The following GAREM1 variants were observed in gnomAD, a reference collection of about 807,000 sequenced individuals.
GAREM1 encodes GRB2 associated regulator of MAPK1 subtype 1.
GAREM1 carries 26 observed loss-of-function variants against 71.3 expected under a neutral mutation model. The observed-to-expected ratio is 0.36, with a 90% CI of 0.27 to 0.51. The LOEUF is 0.51. GAREM1 is among the 20% of genes least tolerant of loss of function. The pLI is 0.95. For missense variants in GAREM1, 1,026 were observed against 1,103.1 expected, an observed-to-expected ratio of 0.93 and a Z score of 0.99; for synonymous variants, 440 against 433.2, an observed-to-expected ratio of 1.02 and a Z score of -0.20.
intron 2 of GAREM1, among the ~76,000 whole-genome samples, chr18:32,352,688 A>C (rs2047763717): frequency 6.6e-6 from 1 of 152,176 alleles, no homozygotes; most frequent in Non-Finnish European, 1.5e-5. Flanking sequence ...CCTCAGGACC[A>C]GATTAAGAAG....
intron 1 of GAREM1, among the ~76,000 whole-genome samples, chr18:32,464,732 G>A (rs1418270099): frequency 6.6e-6 from 1 of 151,906 alleles, no homozygotes; most frequent in Non-Finnish European, 1.5e-5. Flanking sequence ...CTACCTAAAT[G>A]ATATGCTATA....
At chr18:32,349,103 T>G (rs2144588849) in intron 2 of GAREM1, among the ~76,000 whole-genome samples, 1 of 152,332 alleles carries the variant, frequency 6.6e-6, no homozygotes, top group South Asian at 2.1e-4. Context: ...AATAAAATTC[T>G]GCACAGTATT....
intron 2 of GAREM1, among the ~76,000 whole-genome samples, chr18:32,329,133 G>A (rs1337750654): frequency 3.3e-5 from 5 of 152,144 alleles, no homozygotes; most frequent in Non-Finnish European, 7.3e-5. Context: ...CACTTTGGGA[G>A]GCCTAGGTGG....
In GAREM1 at chr18:32,267,530, C is replaced by A; in HGVS notation, c.*341G>T. The A allele has an allele frequency of 1.4e-5, 2 of 147,718 alleles. No homozygotes were observed. The highest frequency in any genetic ancestry group is 4.6e-4 in the South Asian group (2 of 4,392). The allele number at this position is 147,718 out of a possible 1,614,324, so 9.2% of individuals were successfully genotyped here. A position where few individuals can be genotyped will look rare whatever the true frequency, so the allele number is the denominator to read the frequency against. ...TTTTTTTTTTTAAAGATTTTTATGT[C>A]TTCCAGCTTTGGCTATTTTGTAATA... On this transcript the variant is annotated 3_prime_UTR_variant, in exon 6 of 6. Coordinates refer to ENST00000269209, the MANE Select transcript of GAREM1 (RefSeq NM_001242409.2).
chr18:32,325,691 T>C (rs886795349), intron 2 of GAREM1, among the ~76,000 whole-genome samples: 2 of 152,240 alleles, frequency 1.3e-5, no homozygotes, highest in Non-Finnish European at 2.9e-5. Context: ...TACTCACTGA[T>C]GATCGTTTTG....
At chr18:32,415,243 T>C (rs186671440) in intron 1 of GAREM1, among the ~76,000 whole-genome samples, 1 of 151,992 alleles carries the variant, frequency 6.6e-6, no homozygotes, top group Non-Finnish European at 1.5e-5. Context: ...GCCCTGGACC[T>C]GATGGCTTCA....
At chr18:32,391,352 G>T (rs1336120553) in intron 2 of GAREM1, among the ~76,000 whole-genome samples, 1 of 152,158 alleles carries the variant, frequency 6.6e-6, no homozygotes, top group Middle Eastern at 3.2e-3. Flanking sequence ...TCAACAACAA[G>T]TCAAAGAATC....
At chr18:32,293,952 G>A (rs1388605251) in intron 3 of GAREM1, among the ~76,000 whole-genome samples, 1 of 152,180 alleles carries the variant, frequency 6.6e-6, no homozygotes, top group African/African-American at 2.4e-5. Flanking sequence ...TACCTGGTGT[G>A]TATTCTTAAC....
chr18:32,326,282 T>C (rs55976613), intron 2 of GAREM1, among the ~76,000 whole-genome samples: 8,627 of 152,300 alleles, frequency 0.057, 250 homozygotes, highest in South Asian at 0.066. Context: ...AGCTACCTAC[T>C]AAACTCTCTG....
At chr18:32,339,205 T>C (rs2047626177) in intron 2 of GAREM1, among the ~76,000 whole-genome samples, 1 of 152,224 alleles carries the variant, frequency 6.6e-6, no homozygotes, top group East Asian at 1.9e-4. Flanking sequence ...TTCACCCTTC[T>C]TAATTTGTTT....
At chr18:32,416,528 T>G (rs1007162578) in intron 1 of GAREM1, among the ~76,000 whole-genome samples, 1 of 151,890 alleles carries the variant, frequency 6.6e-6, no homozygotes. Flanking sequence ...AACAGACACA[T>G]AGACAAATGG....
chr18:32,320,946 C>T (rs1173483300), intron 2 of GAREM1, among the ~76,000 whole-genome samples: 6 of 152,120 alleles, frequency 3.9e-5, no homozygotes, highest in African/African-American at 4.8e-5. Flanking sequence ...TATGAAATCT[C>T]GGCACTTCTT....
chr18:32,321,224 C>T (rs986085473), intron 2 of GAREM1, among the ~76,000 whole-genome samples: 3 of 152,192 alleles, frequency 2.0e-5, no homozygotes, highest in Non-Finnish European at 4.4e-5. Context: ...TCCTCTGCCT[C>T]GGCTTTTATT....
intron 1 of GAREM1, among the ~76,000 whole-genome samples, chr18:32,409,168 T>C (rs77236171): frequency 0.015 from 2,267 of 152,270 alleles, 46 homozygotes; most frequent in Non-Finnish European, 0.016. Flanking sequence ...TAAAAACTGC[T>C]TTCTGCATGA....
intron 2 of GAREM1, among the ~76,000 whole-genome samples, chr18:32,373,121 T>C: frequency 6.6e-6 from 1 of 152,228 alleles, no homozygotes; most frequent in East Asian, 1.9e-4. Context: ...CTTTATATAG[T>C]AGATAAATAT....
chr18:32,456,861 A>C (rs893206203), intron 1 of GAREM1, among the ~76,000 whole-genome samples: 3 of 152,144 alleles, frequency 2.0e-5, no homozygotes, highest in African/African-American at 7.2e-5. Flanking sequence ...AGTTGTTATG[A>C]ATTTCAATTA....
At chr18:32,396,825 G>C (rs561593887) in intron 1 of GAREM1, among the ~76,000 whole-genome samples, 1 of 152,034 alleles carries the variant, frequency 6.6e-6, no homozygotes, top group Non-Finnish European at 1.5e-5. Flanking sequence ...GATACTCCTC[G>C]AGAAGAGCAA....
chr18:32,327,924 A>G (rs149893165), intron 2 of GAREM1, among the ~76,000 whole-genome samples: 1 of 152,314 alleles, frequency 6.6e-6, no homozygotes, highest in African/African-American at 2.4e-5. Flanking sequence ...ATGAGGCCAT[A>G]TAGGTACAAT....
chr18:32,277,419 T>C (rs1047250105), intron 4 of GAREM1, among the ~76,000 whole-genome samples: 1 of 152,228 alleles, frequency 6.6e-6, no homozygotes, highest in African/African-American at 2.4e-5. Context: ...TCCCTGCCTC[T>C]GTCATGCCAT....
Sources: gnomAD v4.1 joint callset for allele counts (sites outside exome capture counted in the v4.1 genomes callset) on GRCh38, gnomAD v4.1.1 for gene constraint, MANE v1.5 for transcripts, NCBI Gene and HGNC (gene_info 2026-07-23, HGNC 2026-07-21) for gene names.